The following FBXO42 variants were observed in gnomAD, a reference collection of about 807,000 sequenced individuals.
FBXO42 encodes F-box only protein 42.
In FBXO42, 12 loss-of-function variants were observed where a neutral mutation model predicts 71.7. The observed-to-expected ratio is 0.17, with a 90% CI of 0.11 to 0.27. The LOEUF is 0.27. Ranked by LOEUF, FBXO42 falls within the 10% of genes least tolerant of loss-of-function variation. The probability of loss-of-function intolerance (pLI) is 1.00; values close to 1 mark genes in which losing one functional copy is unlikely to be tolerated. For synonymous variants in FBXO42, 325 were observed against 327.5 expected, an observed-to-expected ratio of 0.99 and a Z score of 0.08; for missense variants, 707 against 911.9, an observed-to-expected ratio of 0.78 and a Z score of 2.89.
chr1:16,330,074 G>A (rs915506995), intron 1 of FBXO42, among the ~76,000 whole-genome samples: 6 of 152,310 alleles, frequency 3.9e-5, no homozygotes, highest in African/African-American at 1.4e-4. Flanking sequence ...CTCCACCTAG[G>A]TGAAGTTATT....
chr1:16,343,707 C>T (rs1314382592), intron 1 of FBXO42, among the ~76,000 whole-genome samples: 1 of 152,006 alleles, frequency 6.6e-6, no homozygotes, highest in Admixed American at 6.6e-5. Flanking sequence ...CCTATAATCC[C>T]AGCTACTTGG....
intron 3 of FBXO42, among the ~76,000 whole-genome samples, chr1:16,302,790 G>A (rs886808900): frequency 2.6e-5 from 4 of 152,204 alleles, no homozygotes; most frequent in Non-Finnish European, 5.9e-5. Flanking sequence ...GATTACAGGC[G>A]TAAGCCACTG....
At position 16,252,225 on chromosome 1, in the gene FBXO42, A is replaced by G; in HGVS notation, c.1038+63T>C. ...TACAAATTTCTTTGTAACCTGACAA[A>G]GTAATGTGGTTTTCCACAATTTAGG... On this transcript the variant is annotated intron_variant, in intron 9 of 9. Coordinates refer to ENST00000375592, the MANE Select transcript of FBXO42 (RefSeq NM_018994.3). The surrounding 1 kb of genome is among the most constrained non-coding windows in gnomAD (Gnocchi z 4.4). The G allele has an allele frequency of 1.6e-6, 2 of 1,238,414 alleles. No homozygotes were observed. The highest frequency in any genetic ancestry group is 1.9e-5 in the Admixed American group (1 of 53,602). 76.7% of individuals were successfully genotyped at this position (1,238,414 alleles called of 1,614,324 possible). A position where few individuals can be genotyped will look rare whatever the true frequency, so the allele number is the denominator to read the frequency against.
At chr1:16,338,109 A>C (rs2082569466) in intron 1 of FBXO42, among the ~76,000 whole-genome samples, 1 of 150,812 alleles carries the variant, frequency 6.6e-6, no homozygotes, top group Non-Finnish European at 1.5e-5. Context: ...AATACAAAAA[A>C]TTAGCCAGGT....
chr1:16,350,551 A>G (rs2082688777), intron 1 of FBXO42, among the ~76,000 whole-genome samples: 1 of 141,216 alleles, frequency 7.1e-6, no homozygotes, highest in South Asian at 2.2e-4. Context: ...ACATCGGTGA[A>G]ACCCCGTCTC....
intron 4 of FBXO42, among the ~76,000 whole-genome samples, chr1:16,267,023 T>C (rs2081783785): frequency 6.6e-6 from 1 of 152,122 alleles, no homozygotes; most frequent in Non-Finnish European, 1.5e-5. Flanking sequence ...TTCTGTGGTG[T>C]GAGGAGGTAG....
intron 4 of FBXO42, among the ~76,000 whole-genome samples, chr1:16,266,838 C>T (rs2081779993): frequency 6.6e-6 from 1 of 152,110 alleles, no homozygotes; most frequent in Non-Finnish European, 1.5e-5. Context: ...ACCATATTAC[C>T]ATCATAATCA....
chr1:16,343,369 C>G (rs79515672), intron 1 of FBXO42, among the ~76,000 whole-genome samples: 3,981 of 150,016 alleles, frequency 0.027, 174 homozygotes, highest in African/African-American at 0.089. Flanking sequence ...CATGGCAAAA[C>G]TCCATCTCTA....
intron 1 of FBXO42, among the ~76,000 whole-genome samples, chr1:16,320,307 G>A (rs1430806079): frequency 1.4e-5 from 2 of 143,222 alleles, no homozygotes; most frequent in Non-Finnish European, 3.0e-5. Context: ...GTTGCAGTAA[G>A]CCGAGATCAT....
intron 4 of FBXO42, among the ~76,000 whole-genome samples, chr1:16,263,826 T>TTTTGG (rs2081742694): frequency 6.8e-6 from 1 of 147,826 alleles, no homozygotes; most frequent in Non-Finnish European, 1.5e-5. Flanking sequence ...TTTTTTTTTT[T>TTTTGG]GGAGGCAGAG....
rs953246784 is a variant in FBXO42, at chr1:16,314,003, G to A, written c.250+1166C>T. Among the ~76,000 whole-genome samples the A allele has an allele frequency of 2.6e-5, 4 of 152,194 alleles. No individual in the cohort carries two copies. In the South Asian group the frequency reaches 8.3e-4, roughly 31 times the overall value. ...GAGTCTTGCTCTGTCGCCCAGGCTGGAGTCCAGTGGCGTGATCTTGGCTCA... is the reference window on the plus strand; with the variant it reads ...GAGTCTTGCTCTGTCGCCCAGGCTGAAGTCCAGTGGCGTGATCTTGGCTCA... On this transcript the variant is annotated intron_variant, in intron 2 of 9. Coordinates refer to ENST00000375592, the MANE Select transcript of FBXO42 (RefSeq NM_018994.3).
chr1:16,304,185 C>T (rs2082226442), intron 3 of FBXO42, among the ~76,000 whole-genome samples: 1 of 149,532 alleles, frequency 6.7e-6, no homozygotes, highest in East Asian at 2.0e-4. Context: ...GGTGCAATCT[C>T]GGCTCACTGC....
chr1:16,332,117 G>C (rs116203281), intron 1 of FBXO42, among the ~76,000 whole-genome samples: 231 of 151,550 alleles, frequency 1.5e-3, no homozygotes, highest in African/African-American at 5.5e-3. Flanking sequence ...AGCTTTAATA[G>C]TTAGTCACTT....
intron 4 of FBXO42, among the ~76,000 whole-genome samples, chr1:16,287,465 A>C (rs1352975467): frequency 6.6e-6 from 1 of 152,198 alleles, no homozygotes; most frequent in Non-Finnish European, 1.5e-5. Context: ...GATGTTTGTC[A>C]GTTATTGACT....
At chr1:16,345,293 G>A (rs1325452244) in intron 1 of FBXO42, among the ~76,000 whole-genome samples, 2 of 151,668 alleles carry the variant, frequency 1.3e-5, no homozygotes, top group Non-Finnish European at 2.9e-5. Flanking sequence ...CGTGGTGGAG[G>A]ACACCTGTAA....
At position 16,247,365 on chromosome 1, in the gene FBXO42, G is replaced by GGACA. The variant is rs1054117034; in HGVS notation, c.*3301_*3304dup. 11 of 152,228 alleles carry GGACA rather than the reference G, an allele frequency of 7.2e-5. No homozygotes were observed. The highest frequency in any genetic ancestry group is 2.4e-4 in the African/African-American group (10 of 41,420). 9.4% of individuals were successfully genotyped at this position (152,228 alleles called of 1,614,324 possible). The stretch of plus-strand genomic sequence containing the variant: ...CATGCCAGGATCACCACAAGGACAA[G>GGACA]GACAGACAGACAGACCAACCAGGAA... On this transcript the variant is annotated 3_prime_UTR_variant, in exon 10 of 10. Coordinates refer to ENST00000375592, the MANE Select transcript of FBXO42 (RefSeq NM_018994.3).
At chr1:16,263,885 G>A (rs186487218) in intron 4 of FBXO42, among the ~76,000 whole-genome samples, 1 of 142,552 alleles carries the variant, frequency 7.0e-6, no homozygotes, top group African/African-American at 2.6e-5. Context: ...ATCTTGGCTC[G>A]CTGCAACTTC....
intron 4 of FBXO42, among the ~76,000 whole-genome samples, chr1:16,274,548 T>C (rs2081878242): frequency 6.8e-6 from 1 of 146,646 alleles, no homozygotes; most frequent in Non-Finnish European, 1.5e-5. Context: ...CATTTAACTA[T>C]AAGTAATGTA....
At chr1:16,322,910 T>C (rs1457821828) in intron 1 of FBXO42, among the ~76,000 whole-genome samples, 1 of 152,176 alleles carries the variant, frequency 6.6e-6, no homozygotes, top group African/African-American at 2.4e-5. Context: ...AATTTCAACA[T>C]GGGAATGAAA....
Sources: gnomAD v4.1 joint callset for allele counts (sites outside exome capture counted in the v4.1 genomes callset) on GRCh38, gnomAD v4.1.1 for gene constraint, Gnocchi (gnomAD v3.1) non-coding constraint, MANE v1.5 for transcripts, NCBI Gene and HGNC (gene_info 2026-07-23, HGNC 2026-07-21) for gene names.